Variants in CAST observed in about 807,000 individuals in gnomAD.
CAST encodes the protein MIR583 host.
Under a neutral mutation model 119.6 loss-of-function variants are expected in CAST, and 76 were observed. The observed-to-expected ratio is 0.64, with a 90% CI of 0.53 to 0.77. The LOEUF (loss-of-function observed/expected upper bound fraction) is 0.77, where lower values mean the gene tolerates loss of function less well. Ranked by LOEUF, CAST falls within the 30% of genes least tolerant of loss-of-function variation. CAST has a pLI of 0.00. For missense variants in CAST, 953 were observed against 946.5 expected, an observed-to-expected ratio of 1.01 and a Z score of -0.09; for synonymous variants, 319 against 331.6, an observed-to-expected ratio of 0.96 and a Z score of 0.41.
chr5:96,436,201 A>G, the CAST span, among the ~76,000 whole-genome samples: 1 of 152,220 alleles, frequency 6.6e-6, no homozygotes, highest in Non-Finnish European at 1.5e-5. Context: ...TTGGTAGCAG[A>G]ACACATTATA....
the CAST span, among the ~76,000 whole-genome samples, chr5:96,483,622 T>TA: frequency 6.6e-6 from 1 of 152,220 alleles, no homozygotes; most frequent in Admixed American, 6.5e-5. Context: ...GTAAGTTGTC[T>TA]GGCTTCAATC....
chr5:96,357,543 G>C, the CAST span, among the ~76,000 whole-genome samples: 2 of 152,144 alleles, frequency 1.3e-5, no homozygotes, highest in African/African-American at 4.8e-5. Flanking sequence ...AGCATGAAAG[G>C]CTGTTGAATT....
chr5:96,726,884 C>T (rs1389544650), intron 5 of CAST, 25 bp downstream of exon 5: 1 of 1,547,484 alleles, frequency 6.5e-7, no homozygotes, highest in Middle Eastern at 1.7e-4. Context: ...TGTACTAGGG[C>T]ATCTCTGTTT....
the CAST span, among the ~76,000 whole-genome samples, chr5:96,299,282 CAACAACAACA>C: frequency 1.4e-3 from 123 of 86,486 alleles, no homozygotes; most frequent in African/African-American, 3.6e-3. Flanking sequence ...ACAACAACAA[CAACAACAACA>C]AACAAACAAA....
At chr5:96,100,075 CTTAAG>C in the CAST span, among the ~76,000 whole-genome samples, 1 of 152,138 alleles carries the variant, frequency 6.6e-6, no homozygotes, top group Non-Finnish European at 1.5e-5. Context: ...TCAGGCTCTT[CTTAAG>C]TTATCTTCAG....
chr5:96,691,164 T>C (rs1033532252), intron 2 of CAST, among the ~76,000 whole-genome samples: 1 of 152,228 alleles, frequency 6.6e-6, no homozygotes, highest in Admixed American at 6.5e-5. Flanking sequence ...CAAGTTTCTG[T>C]ATATGCTCCA....
At chr5:96,048,905 A>G in the CAST span, among the ~76,000 whole-genome samples, 1 of 152,306 alleles carries the variant, frequency 6.6e-6, no homozygotes, top group African/African-American at 2.4e-5. Context: ...AATATACACC[A>G]CACTCTCAGC....
At chr5:96,645,096 C>G (rs1747998411) in intron 1 of CAST, among the ~76,000 whole-genome samples, 1 of 152,194 alleles carries the variant, frequency 6.6e-6, no homozygotes, top group South Asian at 2.1e-4. Flanking sequence ...ATTTAGTCAT[C>G]ATGTCCCCTT....
chr5:96,169,342 G>C, the CAST span, among the ~76,000 whole-genome samples: 1 of 152,118 alleles, frequency 6.6e-6, no homozygotes, highest in Non-Finnish European at 1.5e-5. Context: ...GGGATGAAGG[G>C]TGCAAAGGAA....
chr5:96,618,517 C>T (rs988301657), intron 1 of CAST, among the ~76,000 whole-genome samples: 6 of 152,230 alleles, frequency 3.9e-5, no homozygotes, highest in Non-Finnish European at 7.3e-5. Flanking sequence ...TGGAGGGAGA[C>T]GCACGGGTGG....
chr5:96,058,420 C>A, the CAST span, among the ~76,000 whole-genome samples: 3,102 of 152,254 alleles, frequency 0.02, 73 homozygotes, highest in Admixed American at 0.073. Context: ...GCCACACCTA[C>A]TTCCTTCATT....
the CAST span, among the ~76,000 whole-genome samples, chr5:96,250,445 C>A: frequency 6.6e-6 from 1 of 151,972 alleles, no homozygotes; most frequent in Admixed American, 6.6e-5. Context: ...CATTCTGTTC[C>A]CATTCCAGGC....
At chr5:96,061,728 G>A in the CAST span, among the ~76,000 whole-genome samples, 1 of 151,990 alleles carries the variant, frequency 6.6e-6, no homozygotes. Context: ...CATGGACTAT[G>A]GAAAATGGTT....
chr5:96,088,755 TG>T, the CAST span, among the ~76,000 whole-genome samples: 1 of 152,312 alleles, frequency 6.6e-6, no homozygotes, highest in South Asian at 2.1e-4. Context: ...AGGTTTCTGA[TG>T]TATTGTCCCT....
the CAST span, among the ~76,000 whole-genome samples, chr5:96,432,332 T>A: frequency 2.6e-5 from 4 of 152,156 alleles, no homozygotes; most frequent in Non-Finnish European, 4.4e-5. Flanking sequence ...CAGCTGGCAC[T>A]CTTCCAATGC....
intron 1 of CAST, among the ~76,000 whole-genome samples, chr5:96,603,883 C>T (rs946003913): frequency 2.0e-5 from 3 of 151,000 alleles, no homozygotes; most frequent in African/African-American, 7.3e-5. Context: ...TCCGTCTCAG[C>T]CTCCAGAGTA....
chr5:96,447,111 G>A, the CAST span, among the ~76,000 whole-genome samples: 2 of 152,320 alleles, frequency 1.3e-5, no homozygotes, highest in African/African-American at 2.4e-5. Context: ...AATTCAGTGT[G>A]GCAGCACTCT....
At chr5:96,059,966 A>AT in the CAST span, among the ~76,000 whole-genome samples, 5 of 152,158 alleles carry the variant, frequency 3.3e-5, no homozygotes, top group Non-Finnish European at 5.9e-5. Context: ...AGTCTAATAA[A>AT]TGAAAAAAAC....
chr5:96,418,699 T>C, the CAST span, among the ~76,000 whole-genome samples: 1 of 152,192 alleles, frequency 6.6e-6, no homozygotes, highest in Non-Finnish European at 1.5e-5. Flanking sequence ...TTTCTAAACC[T>C]AAGGGCTTTA....
Sources: allele counts gnomAD v4.1 joint callset (sites outside exome capture counted in the v4.1 genomes callset), GRCh38; gene constraint gnomAD v4.1.1; transcripts MANE v1.5; gene names NCBI Gene and HGNC (gene_info 2026-07-23, HGNC 2026-07-21).